Variants in ELP4 observed in about 807,000 individuals in gnomAD.
ELP4 encodes the protein elongator complex protein 4.
ELP4 carries 51 observed loss-of-function variants against 48.9 expected under a neutral mutation model. That is an observed-to-expected ratio of 1.04 (90% confidence interval 0.83 to 1.32). ELP4 has a LOEUF of 1.32. Among genes scored for constraint, ELP4 ranks in the 40% most tolerant of loss-of-function variants. The pLI, the probability that ELP4 is intolerant of heterozygous loss-of-function variation, is 0.00. For missense variants in ELP4, 519 were observed against 514.6 expected, an observed-to-expected ratio of 1.01 and a Z score of -0.08; for synonymous variants, 210 against 189.2, an observed-to-expected ratio of 1.11 and a Z score of -0.90.
chr11:31,621,803 C>A (rs1287221072), intron 5 of ELP4, among the ~76,000 whole-genome samples: 1 of 151,850 alleles, frequency 6.6e-6, no homozygotes, highest in Non-Finnish European at 1.5e-5. Flanking sequence ...CATGTTCAGA[C>A]CTCCTCTGGA....
chr11:31,641,734 A>G (rs937188571), intron 7 of ELP4, among the ~76,000 whole-genome samples: 2 of 151,874 alleles, frequency 1.3e-5, no homozygotes, highest in South Asian at 4.1e-4. Flanking sequence ...TTTCCCAGCC[A>G]GTCTCCCATC....
chr11:31,742,000 A>G lies in ELP4; in HGVS notation c.1144-41393A>G, dbSNP rs1057110124. 2.0e-5 allele frequency among the ~76,000 whole-genome samples: 3 copies of G among 152,198 alleles called. No homozygotes were observed. The East Asian group carries it at 5.8e-4, about 29-fold the overall frequency. On this transcript the variant is annotated intron_variant, in intron 9 of 9. Transcript: ENST00000640961. The stretch of plus-strand genomic sequence containing the variant: ...GGCAAAGAAGTTAAAAGCTTTGAAA[A>G]AAAATTAGATGAATGGATAACTAGA...
chr11:31,535,574 G>A (rs1484650155), intron 2 of ELP4, among the ~76,000 whole-genome samples: 1 of 152,024 alleles, frequency 6.6e-6, no homozygotes, highest in South Asian at 2.1e-4. Flanking sequence ...CAAACTCCTC[G>A]CCTCAAAGTG....
intron 3 of ELP4, among the ~76,000 whole-genome samples, chr11:31,544,504 C>G (rs1200770576): frequency 1.3e-5 from 2 of 152,216 alleles, no homozygotes; most frequent in Non-Finnish European, 2.9e-5. Context: ...CGGAAAGCTC[C>G]AACTGGGTGG....
chr11:31,654,202 T>G (rs1945381201), intron 9 of ELP4: 1 of 151,292 alleles, frequency 6.6e-6, no homozygotes, highest in Non-Finnish European at 1.5e-5. Flanking sequence ...TAAGTTCAAG[T>G]CAGAGAGTAC....
At chr11:31,604,967 G>T (rs1273924744) in intron 5 of ELP4, among the ~76,000 whole-genome samples, 2 of 151,924 alleles carry the variant, frequency 1.3e-5, no homozygotes, top group Non-Finnish European at 2.9e-5. Flanking sequence ...CCTATACAGG[G>T]TTATGTAGTA....
chr11:31,547,496 A>G (rs549710558), intron 3 of ELP4, among the ~76,000 whole-genome samples: 60 of 152,324 alleles, frequency 3.9e-4, no homozygotes, highest in African/African-American at 1.3e-3. Flanking sequence ...AATAATCAAT[A>G]GCTTACCAAC....
At chr11:31,729,822 T>C (rs1947146765) in intron 9 of ELP4, among the ~76,000 whole-genome samples, 1 of 152,252 alleles carries the variant, frequency 6.6e-6, no homozygotes, top group Non-Finnish European at 1.5e-5. Context: ...TGTCTACGTA[T>C]AATTCAGCCA....
intron 6 of ELP4, 129 bp from the exon 7 acceptor site, chr11:31,632,088 A>G: frequency 1.5e-6 from 1 of 648,230 alleles, no homozygotes; most frequent in Admixed American, 3.3e-5. Flanking sequence ...CTAATAGTAC[A>G]TAAAAATTTT....
chr11:31,648,961 C>A (rs540700175), intron 8 of ELP4: 15 of 151,460 alleles, frequency 9.9e-5, no homozygotes, highest in Non-Finnish European at 1.9e-4. Context: ...AAATAAGAAA[C>A]GTACAAATAA....
At chr11:31,770,864 G>C (rs1009812569) in intron 9 of ELP4, among the ~76,000 whole-genome samples, 7 of 123,200 alleles carry the variant, frequency 5.7e-5, no homozygotes, top group Admixed American at 2.8e-4. Context: ...AAAGGAGGGA[G>C]GGGGGAGGGA....
intron 3 of ELP4, among the ~76,000 whole-genome samples, chr11:31,547,279 C>A (rs898902531): frequency 1.3e-5 from 2 of 151,508 alleles, no homozygotes; most frequent in Non-Finnish European, 2.9e-5. Flanking sequence ...ATCAAATAGA[C>A]GCAATAAAAA....
intron 9 of ELP4, among the ~76,000 whole-genome samples, chr11:31,732,445 G>C (rs1045946400): frequency 1.5e-5 from 2 of 136,106 alleles, no homozygotes; most frequent in African/African-American, 2.8e-5. Context: ...AAAAGAAAAT[G>C]ATAAAGGAAT....
intron 9 of ELP4, among the ~76,000 whole-genome samples, chr11:31,660,182 T>G (rs1337620154): frequency 6.6e-6 from 1 of 152,188 alleles, no homozygotes; most frequent in African/African-American, 2.4e-5. Context: ...AGTGTAGACT[T>G]AAATGCCTCA....
At chr11:31,569,737 G>T (rs1444464339) in intron 3 of ELP4, among the ~76,000 whole-genome samples, 1 of 152,032 alleles carries the variant, frequency 6.6e-6, no homozygotes, top group Non-Finnish European at 1.5e-5. Flanking sequence ...AAAAAAGGAA[G>T]ACATACAAAT....
chr11:31,605,288 G>A (rs1157080837), intron 5 of ELP4, among the ~76,000 whole-genome samples: 1 of 152,024 alleles, frequency 6.6e-6, no homozygotes, highest in Non-Finnish European at 1.5e-5. Context: ...ATTGGAGGTA[G>A]GGAGAAGAGG....
rs1161481900 is a variant in ELP4 at position 31,780,591 on chromosome 11, AATG to A, written c.1144-2799_1144-2797del. 2.6e-5 allele frequency: 4 copies of A among 152,352 alleles called. No individual in the cohort carries two copies. The South Asian group carries it at 8.3e-4, about 32-fold the overall frequency. The allele number at this position is 152,352 out of a possible 1,614,324, so 9.4% of individuals were successfully genotyped here. A position where few individuals can be genotyped will look rare whatever the true frequency, so the allele number is the denominator to read the frequency against. Reference sequence around the variant, plus strand: ...TTTTTATGCTCAGAAGTCTCACACGAATGATATTTGACTTTACTTCAAAGCCAT... The same window carrying A: ...TTTTTATGCTCAGAAGTCTCACACGAATATTTGACTTTACTTCAAAGCCAT... On this transcript the variant is annotated intron_variant, in intron 9 of 9. Transcript: ENST00000640961.
In ELP4 at chr11:31,531,747, T is replaced by C. The variant is rs12279715; in HGVS notation, c.260-7915T>C. ...TGAGAGCAATGAAAAGCCATTTAAG[T>C]TTTTGAAACGGGAGTGACAAGATTA... On this transcript the variant is annotated intron_variant, in intron 2 of 9. Coordinates refer to ENST00000640961, the MANE Select transcript of ELP4 (RefSeq NM_019040.5). 4.9e-3 allele frequency among the ~76,000 whole-genome samples: 748 copies of C among 152,232 alleles called. 10 individuals are homozygous for C. Among genetic ancestry groups the C allele is most frequent in the African/African-American group, 0.017 (702 of 41,528 alleles).
intron 9 of ELP4, among the ~76,000 whole-genome samples, chr11:31,704,489 G>T (rs1476495448): frequency 1.3e-5 from 2 of 152,028 alleles, no homozygotes; most frequent in Admixed American, 6.6e-5. Context: ...GCCTGTTGTG[G>T]GGTGGGAGGA....
Sources: allele counts gnomAD v4.1 joint callset (sites outside exome capture counted in the v4.1 genomes callset), GRCh38; gene constraint gnomAD v4.1.1; transcripts MANE v1.5; gene names NCBI Gene and HGNC (gene_info 2026-07-23, HGNC 2026-07-21).